DSCAML1: variants seen among roughly 807,000 people sequenced by gnomAD.
DSCAML1 encodes cell adhesion molecule DSCAML1.
Under a neutral mutation model 200.5 loss-of-function variants are expected in DSCAML1, and 38 were observed. The observed-to-expected ratio is 0.19, with a 90% CI of 0.15 to 0.25. DSCAML1 has a LOEUF of 0.25. Ranked by LOEUF, DSCAML1 falls within the 10% of genes least tolerant of loss-of-function variation. DSCAML1 has a pLI of 1.00. For synonymous variants in DSCAML1, 1,215 were observed against 1,165.0 expected, an observed-to-expected ratio of 1.04 and a Z score of -0.87; for missense variants, 2,223 against 2,858.8, an observed-to-expected ratio of 0.78 and a Z score of 5.07.
intron 3 of DSCAML1, among the ~76,000 whole-genome samples, chr11:117,603,272 T>C (rs1322539857): frequency 3.3e-5 from 5 of 152,246 alleles, no homozygotes; most frequent in African/African-American, 1.2e-4. Context: ...AAACTGGTAG[T>C]GACCTTGGTC....
rs931058343 is a variant in DSCAML1 at position 117,504,914 on chromosome 11, A to G, written c.2182+10T>C. ...CCTTCTTGGAGATTCTGGCTGGGCC[A>G]GGGGCTTACCCTTGGCATGCTTCCA... On this transcript the variant is annotated intron_variant, in intron 10 of 32. Transcript: ENST00000651296. The surrounding 1 kb of genome is among the most constrained non-coding windows in gnomAD (Gnocchi z 5.0). The G allele has an allele frequency of 1.3e-6, 2 of 1,597,028 alleles. No homozygotes were observed. Among genetic ancestry groups the G allele is most frequent in the Non-Finnish European group, 1.7e-6 (2 of 1,169,098 alleles).
intron 21 of DSCAML1, among the ~76,000 whole-genome samples, chr11:117,440,412 G>A (rs932813504): frequency 9.9e-5 from 15 of 152,200 alleles, no homozygotes; most frequent in Non-Finnish European, 2.2e-4. Flanking sequence ...TATAAGCAGG[G>A]AAGGAGACAC....
chr11:117,786,707 G>A (rs988787451), intron 1 of DSCAML1, among the ~76,000 whole-genome samples: 1 of 152,148 alleles, frequency 6.6e-6, no homozygotes, highest in African/African-American at 2.4e-5. Flanking sequence ...GACAACCCGA[G>A]GGGACTGAAA....
At chr11:117,605,315 T>G (rs1272356207) in intron 3 of DSCAML1, among the ~76,000 whole-genome samples, 1 of 152,102 alleles carries the variant, frequency 6.6e-6, no homozygotes, top group Non-Finnish European at 1.5e-5. Flanking sequence ...AAGATGGGGT[T>G]GACCATGCCC....
chr11:117,483,503 C>T (rs1375943200), intron 11 of DSCAML1, among the ~76,000 whole-genome samples: 2 of 152,270 alleles, frequency 1.3e-5, no homozygotes, highest in South Asian at 4.2e-4. Flanking sequence ...ACAAACATGG[C>T]GTGATCTCAT....
intron 15 of DSCAML1, among the ~76,000 whole-genome samples, chr11:117,470,672 G>C (rs2048668305): frequency 6.6e-6 from 1 of 152,160 alleles, no homozygotes; most frequent in South Asian, 2.1e-4. Context: ...CGGTACACTA[G>C]CATACAGGAA....
At chr11:117,493,088 G>A (rs1040469787) in intron 11 of DSCAML1, among the ~76,000 whole-genome samples, 4 of 152,178 alleles carry the variant, frequency 2.6e-5, no homozygotes, top group African/African-American at 9.7e-5. Flanking sequence ...TGTGTGCAAG[G>A]GGTAGGGGTG....
intron 3 of DSCAML1, among the ~76,000 whole-genome samples, chr11:117,589,870 G>A (rs1292358105): frequency 1.3e-5 from 2 of 152,180 alleles, no homozygotes; most frequent in Non-Finnish European, 2.9e-5. Context: ...TGGTACAGGA[G>A]AAAAAGTGAG....
At chr11:117,559,693 C>T (rs1456991321) in intron 3 of DSCAML1, among the ~76,000 whole-genome samples, 5 of 152,136 alleles carry the variant, frequency 3.3e-5, no homozygotes, top group African/African-American at 1.2e-4. Flanking sequence ...CCAAGTTTGG[C>T]TTGGTGGCAT....
intron 3 of DSCAML1, among the ~76,000 whole-genome samples, chr11:117,624,475 A>C (rs1211380641): frequency 6.6e-6 from 1 of 152,168 alleles, no homozygotes; most frequent in African/African-American, 2.4e-5. Flanking sequence ...GTGCATTACA[A>C]GTTTAAAGCA....
Position 117,461,613 on chromosome 11 carries a change from G to T in DSCAML1, c.3266-17C>A. ...GGCTGGGCACTGCAGGGGGTAGGGGGAGAACCAAGGGTCCAGTCAGTCATG... is the reference window on the plus strand; with the variant it reads ...GGCTGGGCACTGCAGGGGGTAGGGGTAGAACCAAGGGTCCAGTCAGTCATG... On this transcript the variant is annotated splice_polypyrimidine_tract_variant and intron_variant, in intron 17 of 32. Transcript: ENST00000651296. 2.5e-6 allele frequency: 4 copies of T among 1,607,070 alleles called. No homozygotes were observed. In the South Asian group the frequency reaches 3.3e-5, roughly 13 times the overall value.
chr11:117,727,798 G>A (rs1399663710), intron 3 of DSCAML1, among the ~76,000 whole-genome samples: 1 of 152,190 alleles, frequency 6.6e-6, no homozygotes, highest in Non-Finnish European at 1.5e-5. Flanking sequence ...GGGAGCTACT[G>A]GGGAGCTGTT....
At chr11:117,586,873 G>A (rs1412599384) in intron 3 of DSCAML1, among the ~76,000 whole-genome samples, 1 of 152,224 alleles carries the variant, frequency 6.6e-6, no homozygotes, top group East Asian at 1.9e-4. Flanking sequence ...CAAAGACTAA[G>A]CCTAGATCTG....
chr11:117,709,748 G>T (rs1342784943), intron 3 of DSCAML1: 1 of 454,548 alleles, frequency 2.2e-6, no homozygotes, highest in Non-Finnish European at 4.4e-6. Context: ...ACATCTTCAG[G>T]GCACTGGAAA....
intron 20 of DSCAML1, among the ~76,000 whole-genome samples, chr11:117,445,426 G>C (rs749312697): frequency 6.6e-6 from 1 of 152,334 alleles, no homozygotes; most frequent in Non-Finnish European, 1.5e-5. Context: ...ATCTGTCGTT[G>C]ATATGTGCTT....
rs2049239745 is a variant in DSCAML1 at position 117,493,883 on chromosome 11, CT to C, written c.2359+9961del. Among the ~76,000 whole-genome samples the C allele has an allele frequency of 2.0e-5, 3 of 152,202 alleles. No individual in the cohort carries two copies. The South Asian group carries it at 6.2e-4, about 32-fold the overall frequency. On this transcript the variant is annotated intron_variant, in intron 11 of 32. Coordinates refer to ENST00000651296, the MANE Select transcript of DSCAML1 (RefSeq NM_020693.4). Reference sequence around the variant, plus strand: ...GCTCAAGCAATTCGCCCCCCTCTCCCTCCCAGAATGGTGGGATTACAGGTGT... The same window carrying C: ...GCTCAAGCAATTCGCCCCCCTCTCCCCCCAGAATGGTGGGATTACAGGTGT...
intron 1 of DSCAML1, among the ~76,000 whole-genome samples, chr11:117,785,928 A>G (rs1485393443): frequency 1.3e-5 from 2 of 152,178 alleles, no homozygotes; most frequent in African/African-American, 4.8e-5. Context: ...TGGAGTCAAA[A>G]TTCAACCAGC....
chr11:117,610,293 A>G (rs949949647), intron 3 of DSCAML1, among the ~76,000 whole-genome samples: 1 of 151,914 alleles, frequency 6.6e-6, no homozygotes, highest in Non-Finnish European at 1.5e-5. Context: ...CTACAACTAT[A>G]TTTTCTGGTC....
intron 24 of DSCAML1, 128 bp from the exon 25 acceptor site, chr11:117,438,211 C>T (rs10892101): frequency 1.4e-5 from 12 of 880,556 alleles, no homozygotes; most frequent in Admixed American, 2.9e-5. Flanking sequence ...GTCATTGGAA[C>T]GGGCATATGC....
Sources: gnomAD v4.1 joint callset for allele counts (sites outside exome capture counted in the v4.1 genomes callset) on GRCh38, gnomAD v4.1.1 for gene constraint, Gnocchi (gnomAD v3.1) non-coding constraint, MANE v1.5 for transcripts, NCBI Gene and HGNC (gene_info 2026-07-23, HGNC 2026-07-21) for gene names.